The following SLC22A12 variants were observed in gnomAD, a reference collection of about 807,000 sequenced individuals.
The protein encoded by SLC22A12 is organic anion transporter 4-like protein.
SLC22A12 carries 56 observed loss-of-function variants against 52.7 expected under a neutral mutation model. The ratio of observed to expected loss-of-function variants is 1.06; its 90% CI spans 0.86 to 1.33. SLC22A12 has a LOEUF of 1.33. Ranked by LOEUF, SLC22A12 falls within the 40% of genes most tolerant of loss-of-function variation. The probability of loss-of-function intolerance (pLI) is 0.00; values close to 1 mark genes in which losing one functional copy is unlikely to be tolerated. For synonymous variants in SLC22A12, 337 were observed against 324.6 expected, an observed-to-expected ratio of 1.04 and a Z score of -0.41; for missense variants, 683 against 741.5, an observed-to-expected ratio of 0.92 and a Z score of 0.92.
In SLC22A12 at chr11:64,594,836, G is replaced by A. The variant is rs189167428; in HGVS notation, c.830+1033G>A. Among the ~76,000 whole-genome samples the A allele has an allele frequency of 3.7e-3, 546 of 149,132 alleles. 2 individuals carry two copies. Among genetic ancestry groups the A allele is most frequent in the Middle Eastern group, 0.014 (4 of 290 alleles). On this transcript the variant is annotated intron_variant, in intron 4 of 9. Transcript: ENST00000377574. ...TGGATGGATGGGTGGATGGACGGAC[G>A]GATGGATGGACAGATGGAATGGATG...
Position 64,601,668 on chromosome 11 carries a change from G to T in SLC22A12, c.*117G>T. ...AGAGGCCCAGAGGCTGCCCTCTGAG[G>T]TCCCCACTCTCCCCCAGGGCTGCCC... On this transcript the variant is annotated 3_prime_UTR_variant, in exon 10 of 10. Transcript: ENST00000377574. The T allele has an allele frequency of 8.7e-7, 1 of 1,151,330 alleles. No individual in the cohort carries two copies. 71.3% of individuals were successfully genotyped at this position (1,151,330 alleles called of 1,614,324 possible).
At chr11:64,598,669 C>T in intron 5 of SLC22A12, 30 bp downstream of exon 5, 1 of 1,603,972 alleles carries the variant, frequency 6.2e-7, no homozygotes, top group Non-Finnish European at 8.5e-7. Flanking sequence ...AAACCCGGAC[C>T]CTCAGACCCT....
At chr11:64,599,543 G>A in intron 6 of SLC22A12, 133 bp from the exon 7 acceptor site, 2 of 686,510 alleles carry the variant, frequency 2.9e-6, no homozygotes, top group Non-Finnish European at 5.0e-6. Flanking sequence ...AGAGCTGGCA[G>A]CTGAAGGGCC....
intron 7 of SLC22A12, among the ~76,000 whole-genome samples, 170 bp downstream of exon 7, chr11:64,600,060 C>T (rs1421679974): frequency 6.6e-6 from 1 of 152,124 alleles, no homozygotes; most frequent in Non-Finnish European, 1.5e-5. Context: ...CCAGCAAGAG[C>T]GGTGAAGGAG....
At chr11:64,596,023 A>ATGG (rs1565137386) in intron 4 of SLC22A12, among the ~76,000 whole-genome samples, 6 of 3,142 alleles carry the variant, frequency 1.9e-3, no homozygotes, top group Non-Finnish European at 2.7e-3. Context: ...GGATGGATGG[A>ATGG]ATGGATGGAT....
rs993600999 is a variant in SLC22A12 at position 64,601,829 on chromosome 11, G to C, written c.*278G>C. 11 of 449,410 alleles carry C rather than the reference G, an allele frequency of 2.4e-5. No homozygotes were observed. Among genetic ancestry groups the C allele is most frequent in the Non-Finnish European group, 4.1e-5 (10 of 242,386 alleles). 27.8% of individuals were successfully genotyped at this position (449,410 alleles called of 1,614,324 possible). A position where few individuals can be genotyped will look rare whatever the true frequency, so the allele number is the denominator to read the frequency against. Reference sequence around the variant, plus strand: ...TGCCCTCGTGGCTTCGGAGAGCAGAGGGGTCAGGCCCAGGGGAACGAGCTG... The same window carrying C: ...TGCCCTCGTGGCTTCGGAGAGCAGACGGGTCAGGCCCAGGGGAACGAGCTG... On this transcript the variant is annotated 3_prime_UTR_variant, in exon 10 of 10. Transcript: ENST00000377574.
rs139224371 is a variant in SLC22A12 at position 64,600,831 on chromosome 11, C to T, written c.1491C>T (p.Pro497=). The change falls in exon 9 of 10, where the codon CCC becomes CCT. Residue 497 remains proline, a synonymous_variant. Coordinates refer to ENST00000377574, the MANE Select transcript of SLC22A12 (RefSeq NM_144585.4). The part of the protein sequence containing the change: ...RLLGVHGPWL[P]LLVYGTVPVL... ...TGGGTGTCCATGGCCCCTGGCTGCC[C>T]TTGCTGGTGTATGGGACGGTGCCAG... 3.1e-6 allele frequency: 5 copies of T among 1,607,768 alleles called. No individual in the cohort carries two copies. The South Asian group carries it at 5.5e-5, about 18-fold the overall frequency.
Position 64,591,468 on chromosome 11 carries a change from G to A in SLC22A12, c.-89G>A, listed in dbSNP as rs2038913483. Reference sequence around the variant, plus strand: ...GAGAAGCCACTGTGGGCACCACCGTGGGGGAAACAGGCCCGTTGCCCTGGC... The same window carrying A: ...GAGAAGCCACTGTGGGCACCACCGTAGGGGAAACAGGCCCGTTGCCCTGGC... On this transcript the variant is annotated 5_prime_UTR_variant, in exon 1 of 10. Coordinates refer to ENST00000377574, the MANE Select transcript of SLC22A12 (RefSeq NM_144585.4). 1 of 1,565,664 alleles carries A rather than the reference G, an allele frequency of 6.4e-7. No individual in the cohort carries two copies. The highest frequency in any genetic ancestry group is 1.7e-5 in the Admixed American group (1 of 58,830).
At chr11:64,595,674 AGATG>A (rs544391085) in intron 4 of SLC22A12, among the ~76,000 whole-genome samples, 51 of 120,394 alleles carry the variant, frequency 4.2e-4, no homozygotes, top group African/African-American at 1.4e-3. Flanking sequence ...TGGTTGTAAT[AGATG>A]GATGGATGGA....
chr11:64,591,527 C>A lies in SLC22A12; in HGVS notation c.-30C>A, dbSNP rs1263063853. On this transcript the variant is annotated 5_prime_UTR_variant, in exon 1 of 10. Transcript: ENST00000377574. ...CCTGGGCCAGCCTTTGTGAAGTGGG[C>A]CCCTCTTCTGGGCCCCTTGAGTAGG... is the stretch of plus-strand genomic sequence containing the variant. 7 of 1,607,160 alleles carry A rather than the reference C, an allele frequency of 4.4e-6. No homozygotes were observed. Among genetic ancestry groups the A allele is most frequent in the Non-Finnish European group, 5.9e-6 (7 of 1,179,926 alleles).
At chr11:64,600,293 C>T in intron 7 of SLC22A12, 74 bp from the exon 8 acceptor site, 3 of 1,177,116 alleles carry the variant, frequency 2.5e-6, no homozygotes, top group Middle Eastern at 1.9e-4. Flanking sequence ...AGGGACAAGC[C>T]CCCTGGGCTG....
Position 64,602,313 on chromosome 11 carries a change from G to A in SLC22A12, c.*762G>A, listed in dbSNP as rs2039476618. The A allele has an allele frequency of 6.5e-6, 1 of 153,260 alleles. No individual in the cohort carries two copies. Among genetic ancestry groups the A allele is most frequent in the Admixed American group, 6.5e-5 (1 of 15,450 alleles). The allele number at this position is 153,260 out of a possible 1,614,324, so 9.5% of individuals were successfully genotyped here. ...CACAGCGCTGGGCCAGAGAGGCATTGGTGCGAGGGATTGAATAAAGAAACA... is the reference window on the plus strand; with the variant it reads ...CACAGCGCTGGGCCAGAGAGGCATTAGTGCGAGGGATTGAATAAAGAAACA... On this transcript the variant is annotated 3_prime_UTR_variant, in exon 10 of 10. Coordinates refer to ENST00000377574, the MANE Select transcript of SLC22A12 (RefSeq NM_144585.4).
In SLC22A12 at chr11:64,595,347, TTGAA is replaced by T. The variant is rs1259723802; in HGVS notation, c.830+1547_830+1550del. Among the ~76,000 whole-genome samples, 13 of 20,758 alleles carry T rather than the reference TTGAA, an allele frequency of 6.3e-4. 1 individual carries two copies. Among genetic ancestry groups the T allele is most frequent in the Admixed American group, 5.3e-3 (9 of 1,692 alleles). The allele number at this position is 20,758 out of a possible 152,430, so 13.6% of individuals were successfully genotyped here. On this transcript the variant is annotated intron_variant, in intron 4 of 9. Transcript: ENST00000377574. ...GATGGATGGATGGTTGAATGGATGG[TTGAA>T]TGGATGGATGGATGGATGGATGGAT...
Position 64,593,820 on chromosome 11 carries a change from A to G in SLC22A12, c.830+17A>G. The G allele has an allele frequency of 6.3e-7, 1 of 1,599,370 alleles. No individual in the cohort carries two copies. Among genetic ancestry groups the G allele is most frequent in the South Asian group, 1.1e-5 (1 of 90,844 alleles). On this transcript the variant is annotated intron_variant, in intron 4 of 9. Transcript: ENST00000377574. ...GTACTCCTGGTGGGTGCTGTGCCCC[A>G]CTCCCCTCCTCAGAGGAGATCCTGC...
At chr11:64,593,269 G>A in intron 2 of SLC22A12, 136 bp from the exon 3 acceptor site, 1 of 1,372,280 alleles carries the variant, frequency 7.3e-7, no homozygotes, top group Non-Finnish European at 1.0e-6. Context: ...GGAGAATGTA[G>A]GTTTCACCCA....
chr11:64,595,956 ATGG>A (rs1565137243), intron 4 of SLC22A12, among the ~76,000 whole-genome samples: 30 of 93,510 alleles, frequency 3.2e-4, no homozygotes, highest in African/African-American at 9.3e-4. Flanking sequence ...GGATGGATGG[ATGG>A]ATGGATGGAA....
At chr11:64,599,594 C>CCCCCCG in intron 6 of SLC22A12, 82 bp from the exon 7 acceptor site, 1 of 684,092 alleles carries the variant, frequency 1.5e-6, no homozygotes, top group African/African-American at 2.0e-5. Context: ...ACCCTGAGCC[C>CCCCCCG]CCACCGCCCA....
chr11:64,599,920 T>C (rs758705130), intron 7 of SLC22A12, 30 bp downstream of exon 7: 1 of 1,601,410 alleles, frequency 6.2e-7, no homozygotes, highest in South Asian at 1.1e-5. Flanking sequence ...CACCAGAGAC[T>C]TCCCTACCTT....
In SLC22A12 at chr11:64,591,412, C is replaced by T. The variant is rs2038911984; in HGVS notation, c.-145C>T. On this transcript the variant is annotated 5_prime_UTR_variant, in exon 1 of 10. Transcript: ENST00000377574. ...TGACCAGAGAGCCTGAGCCTCCGGCCCCGAGTCTGTGAAGCCTAGCCGCTG... is the reference window on the plus strand; with the variant it reads ...TGACCAGAGAGCCTGAGCCTCCGGCTCCGAGTCTGTGAAGCCTAGCCGCTG... 2.7e-6 allele frequency: 3 copies of T among 1,119,336 alleles called. No individual in the cohort carries two copies. The highest frequency in any genetic ancestry group is 3.8e-6 in the Non-Finnish European group (3 of 784,494). The allele number at this position is 1,119,336 out of a possible 1,614,324, so 69.3% of individuals were successfully genotyped here. A position where few individuals can be genotyped will look rare whatever the true frequency, so the allele number is the denominator to read the frequency against.
Sources: gnomAD v4.1 joint callset for allele counts (sites outside exome capture counted in the v4.1 genomes callset) on GRCh38, gnomAD v4.1.1 for gene constraint, MANE v1.5 for transcripts, NCBI Gene and HGNC (gene_info 2026-07-23, HGNC 2026-07-21) for gene names.